Variants in ZNF695 observed in about 807,000 individuals in gnomAD.
ZNF695 encodes the protein zinc finger protein SBZF3.
Under a neutral mutation model 11.2 loss-of-function variants are expected in ZNF695, and 11 were observed. The ratio of observed to expected loss-of-function variants is 0.98; its 90% CI spans 0.62 to 1.62. The LOEUF (loss-of-function observed/expected upper bound fraction) is 1.62. Ranked by LOEUF, ZNF695 falls within the 40% of genes most tolerant of loss-of-function variation. The probability of loss-of-function intolerance (pLI) is 0.00; values close to 1 mark genes in which losing one functional copy is unlikely to be tolerated. For synonymous variants in ZNF695, 190 were observed against 201.4 expected, an observed-to-expected ratio of 0.94 and a Z score of 0.48; for missense variants, 559 against 590.5, an observed-to-expected ratio of 0.95 and a Z score of 0.55.
rs1242465364 is a variant in ZNF695 at position 246,999,968 on chromosome 1, T to C, written c.110A>G (p.Tyr37Cys). The C allele has an allele frequency of 2.5e-6, 4 of 1,614,084 alleles. No individual in the cohort carries two copies. The African/African-American group carries it at 5.3e-5, about 22-fold the overall frequency. ...CTCACCAAGGGAGATCAGGTTTCTG[T>C]AGTTCTCTAACATCACATCCCTATA... ...SLYRDVMLENYRNLISLGEDS... is the reference protein window; with the variant it reads ...SLYRDVMLENCRNLISLGEDS... Residue 37 changes from tyrosine (Y) to cysteine (C), a missense_variant, in exon 2 of 4, where the codon TAC becomes TGC. By Grantham distance (194) the Tyr-to-Cys change is radical (BLOSUM62 -2). Coordinates refer to ENST00000339986, the MANE Select transcript of ZNF695 (RefSeq NM_020394.5).
chr1:246,972,931 G>GTGTA, intron 4 of ZNF695, among the ~76,000 whole-genome samples: 1 of 145,152 alleles, frequency 6.9e-6, no homozygotes, highest in African/African-American at 2.5e-5. Context: ...TTTTTAATGT[G>GTGTA]TATATATATA....
In ZNF695 at chr1:246,947,206, G is replaced by T. The variant is rs1443910145; in HGVS notation, c.489-1379C>A. 1.4e-4 allele frequency among the ~76,000 whole-genome samples: 17 copies of T among 125,000 alleles called. No individual in the cohort carries two copies. In the East Asian group the frequency reaches 4.2e-3, roughly 31 times the overall value. The allele number at this position is 125,000 out of a possible 152,430, so 82.0% of individuals were successfully genotyped here. A position where few individuals can be genotyped will look rare whatever the true frequency, so the allele number is the denominator to read the frequency against. On this transcript the variant is annotated intron_variant, in intron 5 of 5. Transcript: ENST00000487338. ...GTTTTTTATTTTTTTTGGGGGGGTG[G>T]TTTTTTTTTTAGAGACAGACCCTCC...
intron 5 of ZNF695, among the ~76,000 whole-genome samples, chr1:246,960,261 A>G (rs1668129766): frequency 6.6e-6 from 1 of 151,922 alleles, no homozygotes; most frequent in Non-Finnish European, 1.5e-5. Context: ...CTGGAACACT[A>G]ATATATTTAG....
At chr1:246,974,173 AACAAAAAAC>A (rs1668501601) in intron 4 of ZNF695, among the ~76,000 whole-genome samples, 1 of 151,966 alleles carries the variant, frequency 6.6e-6, no homozygotes, top group South Asian at 2.1e-4. Context: ...AAAAAAAACA[AACAAAAAAC>A]AACAACAAAA....
chr1:246,954,809 A>G (rs1213232922), intron 5 of ZNF695, among the ~76,000 whole-genome samples: 1 of 152,220 alleles, frequency 6.6e-6, no homozygotes, highest in African/African-American at 2.4e-5. Flanking sequence ...AATAACTGAG[A>G]AAATAAAAAT....
intron 3 of ZNF695, 111 bp downstream of exon 3, chr1:246,999,237 T>C: frequency 1.2e-6 from 1 of 802,920 alleles, no homozygotes; most frequent in Non-Finnish European, 2.1e-6. Flanking sequence ...AACCCAGGCT[T>C]CTCAGAAGCC....
At chr1:246,965,588 T>C (rs1668268906) in intron 5 of ZNF695, among the ~76,000 whole-genome samples, 1 of 151,396 alleles carries the variant, frequency 6.6e-6, no homozygotes, top group African/African-American at 2.4e-5. Context: ...AATACAAAAA[T>C]TAGCCAGGTG....
downstream of ZNF695, chr1:246,985,194 G>A (rs564354468): frequency 1.1e-4 from 67 of 616,476 alleles, no homozygotes; most frequent in Middle Eastern, 1.7e-3. Context: ...GTATATTTAT[G>A]TATTTATCTC....
intron 5 of ZNF695, among the ~76,000 whole-genome samples, chr1:246,954,406 C>T (rs1165465814): frequency 3.3e-5 from 5 of 152,132 alleles, no homozygotes; most frequent in African/African-American, 1.2e-4. Flanking sequence ...GAGTTCAGCC[C>T]GAATTGCTGG....
intron 4 of ZNF695, chr1:246,969,027 C>G (rs1668357467): frequency 1.3e-5 from 2 of 152,248 alleles, no homozygotes; most frequent in African/African-American, 4.8e-5. Context: ...TGGCTGTTAA[C>G]ATACGGCTCC....
intron 3 of ZNF695, among the ~76,000 whole-genome samples, chr1:246,997,809 A>G (rs1285125587): frequency 6.6e-6 from 1 of 152,222 alleles, no homozygotes; most frequent in Non-Finnish European, 1.5e-5. Flanking sequence ...CAGAAAAACA[A>G]ATACTTCCTG....
At chr1:246,974,024 G>A (rs932438565) in intron 4 of ZNF695, among the ~76,000 whole-genome samples, 1 of 151,948 alleles carries the variant, frequency 6.6e-6, no homozygotes, top group Non-Finnish European at 1.5e-5. Context: ...ATTATTTTAA[G>A]TATTTTTAAG....
At chr1:246,978,459 TTGCATGATGATGA>T (rs1668622972) in intron 4 of ZNF695, among the ~76,000 whole-genome samples, 1 of 152,208 alleles carries the variant, frequency 6.6e-6, no homozygotes. Flanking sequence ...GTGCTTTAAT[TTGCATGATGATGA>T]TGCAACACAT....
intron 5 of ZNF695, among the ~76,000 whole-genome samples, chr1:246,947,634 C>T (rs1406488857): frequency 6.7e-6 from 1 of 149,936 alleles, no homozygotes; most frequent in Admixed American, 6.8e-5. Flanking sequence ...AGTGGTATAT[C>T]GGGCGTTTCC....
chr1:246,988,137 A>G lies in ZNF695; in HGVS notation c.378T>C (p.Asn126=), dbSNP rs764717138. ...RCCLEKLRLR[N]DWEIVGEWKG... is the part of the protein sequence containing the mutation. ...TCCACTCACCCACAATTTCCCAGTC[A>G]TTCCTTAAGCGTAATTTCTCAAGAC... Residue 126 remains asparagine (N), a synonymous_variant, in exon 4 of 4, where the codon AAT becomes AAC. Transcript: ENST00000339986. 4 of 1,613,712 alleles carry G rather than the reference A, an allele frequency of 2.5e-6. No individual in the cohort carries two copies. In the East Asian group the frequency reaches 6.7e-5, roughly 27 times the overall value.
At chr1:246,952,041 C>T (rs1262310288) in intron 5 of ZNF695, among the ~76,000 whole-genome samples, 1 of 152,152 alleles carries the variant, frequency 6.6e-6, no homozygotes, top group Non-Finnish European at 1.5e-5. Context: ...TTTGACCTCC[C>T]AGGCTCAGGC....
At chr1:246,997,979 T>C (rs568553395) in intron 3 of ZNF695, among the ~76,000 whole-genome samples, 1 of 152,352 alleles carries the variant, frequency 6.6e-6, no homozygotes, top group African/African-American at 2.4e-5. Context: ...AGTAGCATCA[T>C]GAGTACAGTT....
At chr1:246,983,060 C>T (rs368803933), downstream of ZNF695, among the ~76,000 whole-genome samples, 16 of 151,886 alleles carry the variant, frequency 1.1e-4, no homozygotes, top group East Asian at 1.8e-3. Flanking sequence ...AAAAATTAGC[C>T]GGGTGTGGTG....
At chr1:247,004,839 CAAAT>C (rs1285492779) in intron 1 of ZNF695, among the ~76,000 whole-genome samples, 1 of 152,072 alleles carries the variant, frequency 6.6e-6, no homozygotes, top group Non-Finnish European at 1.5e-5. Context: ...ACGATAGCAA[CAAAT>C]AAAATACCTA....
Sources: gnomAD v4.1 joint callset for allele counts (sites outside exome capture counted in the v4.1 genomes callset) on GRCh38, gnomAD v4.1.1 for gene constraint, MANE v1.5 for transcripts, NCBI Gene and HGNC (gene_info 2026-07-23, HGNC 2026-07-21) for gene names.